ELF1: variants seen among roughly 807,000 people sequenced by gnomAD.
The protein encoded by ELF1 is ETS-related transcription factor Elf-1.
A neutral mutation model predicts 59.9 loss-of-function variants in ELF1; 24 were observed. That is an observed-to-expected ratio of 0.40 (90% confidence interval 0.29 to 0.56). The LOEUF is 0.56. Ranked by LOEUF, ELF1 falls within the 20% of genes least tolerant of loss-of-function variation. ELF1 has a pLI of 0.44. For synonymous variants in ELF1, 248 were observed against 266.2 expected, an observed-to-expected ratio of 0.93 and a Z score of 0.67; for missense variants, 627 against 742.2, an observed-to-expected ratio of 0.84 and a Z score of 1.80.
chr13:40,997,199 A>C (rs1197319634), intron 1 of ELF1, among the ~76,000 whole-genome samples: 2 of 152,156 alleles, frequency 1.3e-5, no homozygotes, highest in African/African-American at 4.8e-5. Flanking sequence ...GTGAGTGAAA[A>C]AAAACCCTGA....
At chr13:41,052,855 G>A (rs1877138496) in intron 1 of ELF1, among the ~76,000 whole-genome samples, 2 of 151,994 alleles carry the variant, frequency 1.3e-5, no homozygotes, top group African/African-American at 4.8e-5. Flanking sequence ...CTACATAAAC[G>A]TGCACTTTCA....
chr13:41,036,224 A>T (rs191617989), intron 1 of ELF1, among the ~76,000 whole-genome samples: 58 of 152,108 alleles, frequency 3.8e-4, no homozygotes, highest in East Asian at 3.7e-3. Context: ...CCAAAAAAAA[A>T]TTTTTTTCTA....
At chr13:40,938,142 A>T (rs1869910798) in intron 8 of ELF1, among the ~76,000 whole-genome samples, 1 of 152,216 alleles carries the variant, frequency 6.6e-6, no homozygotes, top group African/African-American at 2.4e-5. Context: ...AAAGATCCTA[A>T]GAAAAATTAT....
At chr13:41,059,163 C>T (rs59577201) in intron 1 of ELF1, among the ~76,000 whole-genome samples, 1 of 152,204 alleles carries the variant, frequency 6.6e-6, no homozygotes, top group Non-Finnish European at 1.5e-5. Flanking sequence ...TCAGGAATCG[C>T]TCAACAATTC....
intron 1 of ELF1, among the ~76,000 whole-genome samples, chr13:41,038,031 C>T (rs1254425479): frequency 7.4e-6 from 1 of 135,528 alleles, no homozygotes; most frequent in African/African-American, 2.8e-5. Flanking sequence ...AAAGTTCACC[C>T]AAAGAAAGAC....
rs1324880955 is a variant in ELF1, at chr13:40,932,937, A to G, written c.*488T>C. ...CTACATATTCATAGTTCTATATTAT[A>G]TAGTGCAGTCAACTAAAGTCAATCT... On this transcript the variant is annotated 3_prime_UTR_variant, in exon 9 of 9. Transcript: ENST00000239882. 1 of 160,830 alleles carries G rather than the reference A, an allele frequency of 6.2e-6. No individual in the cohort carries two copies. Among genetic ancestry groups the G allele is most frequent in the African/African-American group, 2.4e-5 (1 of 41,508 alleles). The allele number at this position is 160,830 out of a possible 1,614,324, so 10.0% of individuals were successfully genotyped here.
rs183456530 is a variant in ELF1 at position 40,933,228 on chromosome 13, T to C, written c.*197A>G. The C allele has an allele frequency of 6.4e-5, 43 of 671,180 alleles. No homozygotes were observed. The highest frequency in any genetic ancestry group is 3.3e-4 in the South Asian group (13 of 39,326). 41.6% of individuals were successfully genotyped at this position (671,180 alleles called of 1,614,324 possible). ...GTGTAAAATGCCTGTTCCTTCACGA[T>C]TGAATTCTGAAACATTTAGATAACA... On this transcript the variant is annotated 3_prime_UTR_variant, in exon 9 of 9. Transcript: ENST00000239882.
intron 1 of ELF1, among the ~76,000 whole-genome samples, chr13:41,036,655 G>A (rs910540407): frequency 5.3e-5 from 8 of 152,164 alleles, no homozygotes; most frequent in Non-Finnish European, 8.8e-5. Flanking sequence ...GCATGCATAC[G>A]TATGCTTATT....
At chr13:41,054,467 G>T (rs201425508) in intron 1 of ELF1, among the ~76,000 whole-genome samples, 2 of 152,146 alleles carry the variant, frequency 1.3e-5, no homozygotes, top group Non-Finnish European at 2.9e-5. Flanking sequence ...TTCAGAGTTC[G>T]AAAGCCACAG....
chr13:41,024,924 T>C (rs1326944574), intron 1 of ELF1, among the ~76,000 whole-genome samples: 1 of 152,136 alleles, frequency 6.6e-6, no homozygotes, highest in African/African-American at 2.4e-5. Flanking sequence ...ACAGAATCTT[T>C]CTCTACCACC....
At chr13:40,955,842 CCTACT>C (rs1871358917) in intron 3 of ELF1, among the ~76,000 whole-genome samples, 1 of 137,204 alleles carries the variant, frequency 7.3e-6, no homozygotes, top group African/African-American at 2.7e-5. Context: ...CCCGGCCACC[CCTACT>C]GGGAAGAGAG....
chr13:41,043,339 T>C (rs1433986010), intron 1 of ELF1, among the ~76,000 whole-genome samples: 1 of 152,246 alleles, frequency 6.6e-6, no homozygotes, highest in Non-Finnish European at 1.5e-5. Flanking sequence ...TTGGCTTTTG[T>C]TGCCATTGCT....
chr13:41,058,152 G>A (rs1375152854), intron 1 of ELF1, among the ~76,000 whole-genome samples: 2 of 152,156 alleles, frequency 1.3e-5, no homozygotes, highest in Admixed American at 1.3e-4. Context: ...GACAGAAATG[G>A]TTTAAAAATT....
intron 1 of ELF1, among the ~76,000 whole-genome samples, chr13:41,018,407 C>T (rs1175109931): frequency 6.6e-6 from 1 of 152,070 alleles, no homozygotes; most frequent in African/African-American, 2.4e-5. Context: ...AAAAGGAAGG[C>T]CAATACTCAT....
intron 1 of ELF1, among the ~76,000 whole-genome samples, chr13:40,985,416 C>T (rs1419593197): frequency 1.3e-5 from 2 of 152,132 alleles, no homozygotes; most frequent in East Asian, 1.9e-4. Context: ...TCACGGTCTA[C>T]AAGCAAAACA....
chr13:40,976,758 T>C (rs1284428332), intron 2 of ELF1, among the ~76,000 whole-genome samples: 1 of 152,048 alleles, frequency 6.6e-6, no homozygotes, highest in Non-Finnish European at 1.5e-5. Context: ...CAGGCTGGTC[T>C]CGAACTCCTG....
intron 1 of ELF1, among the ~76,000 whole-genome samples, chr13:40,990,850 CAAAAAAA>C (rs56249931): frequency 9.5e-6 from 1 of 105,598 alleles, no homozygotes; most frequent in African/African-American, 3.8e-5. Flanking sequence ...GACTCTGTCT[CAAAAAAA>C]AAAAAAAAAA....
chr13:41,047,016 G>A (rs576996362), intron 1 of ELF1, among the ~76,000 whole-genome samples: 4 of 151,788 alleles, frequency 2.6e-5, no homozygotes, highest in African/African-American at 7.3e-5. Flanking sequence ...TTCTCTTCTC[G>A]CTTCATTTAT....
chr13:41,035,841 A>C lies in ELF1; in HGVS notation c.-229+24997T>G, dbSNP rs577808253. Among the ~76,000 whole-genome samples the C allele has an allele frequency of 4.9e-4, 73 of 150,070 alleles. 1 individual carries two copies. The highest frequency in any genetic ancestry group is 5.3e-4 in the Admixed American group (8 of 15,172). On this transcript the variant is annotated intron_variant, in intron 1 of 1. Coordinates refer to the ELF1 transcript ENST00000405737. ...TACTTAACACAACTTCTTGTTAAAA[A>C]AAAAACAACAACAACAACAACAACA...
Sources: allele counts gnomAD v4.1 joint callset (sites outside exome capture counted in the v4.1 genomes callset), GRCh38; gene constraint gnomAD v4.1.1; transcripts MANE v1.5; gene names NCBI Gene and HGNC (gene_info 2026-07-23, HGNC 2026-07-21).